Variants in SPTSSB observed in about 807,000 individuals in gnomAD.
SPTSSB encodes serine palmitoyltransferase small subunit B, also known as androgen down regulated in mouse prostate.
Under a neutral mutation model 7.7 loss-of-function variants are expected in SPTSSB, and 6 were observed. The ratio of observed to expected loss-of-function variants is 0.78; its 90% CI spans 0.43 to 1.54. The LOEUF (loss-of-function observed/expected upper bound fraction) is 1.54. Ranked by LOEUF, SPTSSB falls within the 40% of genes most tolerant of loss-of-function variation. The pLI is 0.01. For synonymous variants in SPTSSB, 28 were observed against 29.7 expected (o/e 0.94, Z 0.19); for missense variants, 91 against 93.0 (o/e 0.98, Z 0.09).
chr3:161,350,359 G>A (rs532634061), intron 2 of SPTSSB, among the ~76,000 whole-genome samples: 27 of 152,240 alleles, frequency 1.8e-4, no homozygotes, highest in African/African-American at 6.3e-4. Context: ...CTATTCTAAA[G>A]GTAGCTATTC....
chr3:161,370,073 A>G (rs1560109439), intron 1 of SPTSSB, among the ~76,000 whole-genome samples: 1 of 152,168 alleles, frequency 6.6e-6, no homozygotes, highest in African/African-American at 2.4e-5. Context: ...TTTTTTATGA[A>G]TATTTTGTTT....
Position 161,359,884 on chromosome 3 carries a change from T to G in SPTSSB, c.-115A>C. The G allele has an allele frequency of 1.4e-6, 1 of 708,064 alleles. No homozygotes were observed. The highest frequency in any genetic ancestry group is 1.7e-6 in the Non-Finnish European group (1 of 576,824). The allele number at this position is 708,064 out of a possible 1,614,324, so 43.9% of individuals were successfully genotyped here. ...GGGTTAGTTCTCCTCTCTGGGTTGC[T>G]GTTTCCTCATCTGCAAAATAAAGAT... On this transcript the variant is annotated 5_prime_UTR_variant, in exon 2 of 3. Transcript: ENST00000620149.
chr3:161,362,127 G>C (rs1715042336), intron 1 of SPTSSB, among the ~76,000 whole-genome samples: 1 of 152,024 alleles, frequency 6.6e-6, no homozygotes, highest in Non-Finnish European at 1.5e-5. Flanking sequence ...GGAGTAAGAA[G>C]GGTTAGTAAC....
chr3:161,355,372 A>G (rs1714725021), intron 2 of SPTSSB, among the ~76,000 whole-genome samples: 1 of 152,222 alleles, frequency 6.6e-6, no homozygotes, highest in African/African-American at 2.4e-5. Flanking sequence ...AGCCACCAAA[A>G]GTTGTTTTCT....
rs116364965 is a variant in SPTSSB, at chr3:161,351,877, G to A, written c.-32-5522C>T. ...GTGTTAGCTTCTCTAAGATGTCTCC[G>A]TACTGTCCAATATGGCAGCCACTAG... On this transcript the variant is annotated intron_variant, in intron 2 of 2. Coordinates refer to ENST00000620149, the MANE Select transcript of SPTSSB (RefSeq NM_001040100.2). 9.9e-3 allele frequency among the ~76,000 whole-genome samples: 1,510 copies of A among 152,256 alleles called. 29 individuals are homozygous for A. The highest frequency in any genetic ancestry group is 0.034 in the African/African-American group (1,406 of 41,552).
intron 2 of SPTSSB, among the ~76,000 whole-genome samples, chr3:161,357,621 G>C (rs1443474357): frequency 6.6e-6 from 1 of 152,178 alleles, no homozygotes; most frequent in Non-Finnish European, 1.5e-5. Flanking sequence ...TGACCTTTTT[G>C]GAAGAAGAGT....
intron 1 of SPTSSB, among the ~76,000 whole-genome samples, chr3:161,370,409 G>GT (rs1208681278): frequency 6.6e-6 from 1 of 152,168 alleles, no homozygotes; most frequent in East Asian, 1.9e-4. Flanking sequence ...TTTTGGTCTA[G>GT]TTATCTATGT....
At chr3:161,349,928 A>G (rs1714446842) in intron 2 of SPTSSB, among the ~76,000 whole-genome samples, 1 of 152,160 alleles carries the variant, frequency 6.6e-6, no homozygotes, top group Admixed American at 6.5e-5. Context: ...GGAGAAGGAG[A>G]TGAAGTTACA....
chr3:161,368,675 C>T (rs1715325734), intron 1 of SPTSSB, among the ~76,000 whole-genome samples: 1 of 152,170 alleles, frequency 6.6e-6, no homozygotes. Context: ...ATCCGCCCGC[C>T]TCGGCCTCCC....
At chr3:161,350,805 G>A (rs1714498490) in intron 2 of SPTSSB, among the ~76,000 whole-genome samples, 1 of 152,140 alleles carries the variant, frequency 6.6e-6, no homozygotes, top group Non-Finnish European at 1.5e-5. Context: ...AAACTGATAA[G>A]CCCTGCTTCA....
intron 2 of SPTSSB, among the ~76,000 whole-genome samples, chr3:161,357,450 T>C (rs1231195697): frequency 1.3e-5 from 2 of 152,162 alleles, no homozygotes; most frequent in Admixed American, 1.3e-4. Context: ...AAAGGAGTGG[T>C]GAGATAAAAT....
chr3:161,350,192 T>C (rs1576894982), intron 2 of SPTSSB, among the ~76,000 whole-genome samples: 1 of 152,084 alleles, frequency 6.6e-6, no homozygotes, highest in East Asian at 1.9e-4. Flanking sequence ...GGAACAGGAC[T>C]GGAAGGAAGT....
At chr3:161,370,029 A>G (rs908421696) in intron 1 of SPTSSB, among the ~76,000 whole-genome samples, 6 of 152,200 alleles carry the variant, frequency 3.9e-5, no homozygotes, top group African/African-American at 1.4e-4. Flanking sequence ...AGCTCTTCAC[A>G]TCACCATTCT....
At chr3:161,364,047 T>G (rs1379686157) in intron 1 of SPTSSB, among the ~76,000 whole-genome samples, 1 of 152,224 alleles carries the variant, frequency 6.6e-6, no homozygotes, top group Non-Finnish European at 1.5e-5. Flanking sequence ...AGTTGCTGAT[T>G]ATTAGCCAAG....
chr3:161,351,530 A>G (rs1714535960), intron 2 of SPTSSB, among the ~76,000 whole-genome samples: 1 of 152,168 alleles, frequency 6.6e-6, no homozygotes. Context: ...AATTTCTTAA[A>G]CACAATAAAG....
chr3:161,359,657 T>A (rs1714927736), intron 2 of SPTSSB, 145 bp downstream of exon 2: 2 of 889,652 alleles, frequency 2.2e-6, no homozygotes, highest in Non-Finnish European at 1.3e-6. Context: ...TTGTATCATC[T>A]CAAATGCCAA....
rs1333671322 is a variant in SPTSSB at position 161,346,175 on chromosome 3, T to C, written c.149A>G (p.Tyr50Cys). 1 of 1,612,646 alleles carries C rather than the reference T, an allele frequency of 6.2e-7. No individual in the cohort carries two copies. ...GCGAATGTGGATTGGAATAAAGACA[T>C]AGGCAGTGTATACCACCATAGCAAT... ...TIIAMVVYTA[Y>C]VFIPIHIRLA... The change falls in exon 3 of 3, where the codon TAT becomes TGT. Residue 50 changes from tyrosine to cysteine, a missense_variant. Coordinates refer to ENST00000620149, the MANE Select transcript of SPTSSB (RefSeq NM_001040100.2).
chr3:161,347,943 A>G (rs1484915451), intron 2 of SPTSSB: 2 of 152,194 alleles, frequency 1.3e-5, no homozygotes, highest in African/African-American at 4.8e-5. Flanking sequence ...CATTCACCGA[A>G]TGAATACATT....
chr3:161,370,649 A>C (rs1230643907), intron 1 of SPTSSB, among the ~76,000 whole-genome samples: 1 of 152,212 alleles, frequency 6.6e-6, no homozygotes, highest in East Asian at 1.9e-4. Context: ...CCCCTGATGC[A>C]GTTATTTGGA....
Sources: allele counts gnomAD v4.1 joint callset (sites outside exome capture counted in the v4.1 genomes callset), GRCh38; gene constraint gnomAD v4.1.1; transcripts MANE v1.5; gene names NCBI Gene and HGNC (gene_info 2026-07-23, HGNC 2026-07-21).